CRYL1: variants seen among roughly 807,000 people sequenced by gnomAD.
CRYL1 encodes crystallin lambda 1, also known as lambda-crystallin homolog.
In CRYL1, 29 loss-of-function variants were observed where a neutral mutation model predicts 36.6. That is an observed-to-expected ratio of 0.79 (90% CI 0.59 to 1.08). CRYL1 has a LOEUF of 1.08. Ranked by LOEUF, CRYL1 falls within the 50% of genes least tolerant of loss-of-function variation. CRYL1 has a pLI of 0.00. For missense variants in CRYL1, 411 were observed against 407.9 expected (o/e 1.01, Z -0.06); for synonymous variants, 152 against 151.5 (o/e 1.00, Z -0.02).
chr13:20,475,186 C>T (rs925348883), intron 3 of CRYL1, among the ~76,000 whole-genome samples: 3 of 152,168 alleles, frequency 2.0e-5, no homozygotes, highest in Non-Finnish European at 4.4e-5. Context: ...TCCGCCACCT[C>T]AGGAGCACCG....
intron 1 of CRYL1, chr13:20,513,573 A>C (rs558967908): frequency 6.6e-6 from 1 of 152,392 alleles, no homozygotes; most frequent in East Asian, 1.9e-4. Flanking sequence ...GCATGGAGGA[A>C]TTAAGTCCAC....
chr13:20,430,519 C>T (rs2032035599), intron 5 of CRYL1: 1 of 985,294 alleles, frequency 1.0e-6, no homozygotes, highest in Non-Finnish European at 1.2e-6. Flanking sequence ...CATCGTGAGT[C>T]AGCAGAACTA....
rs868654062 is a variant in CRYL1 at position 20,497,329 on chromosome 13, A to G, written c.150-7833T>C. Among the ~76,000 whole-genome samples, 62 of 69,168 alleles carry G rather than the reference A, an allele frequency of 9.0e-4. 2 individuals carry two copies. Among genetic ancestry groups the G allele is most frequent in the African/African-American group, 2.9e-3 (61 of 20,958 alleles). 45.4% of individuals were successfully genotyped at this position (69,168 alleles called of 152,430 possible). On this transcript the variant is annotated intron_variant, in intron 2 of 7. Transcript: ENST00000298248. ...CACCGCATATACACACTACACACAC[A>G]CCACCACACACACTACACACACACC...
rs747572578 is a variant in CRYL1 at position 20,489,506 on chromosome 13, CA to C, written c.150-11del. ...CAACTTCATCTCCTTTCTGGAAAGG[CA>C]GAGAGAAGGATCACTGTGAGTATTC... On this transcript the variant is annotated splice_polypyrimidine_tract_variant and intron_variant, in intron 2 of 7. Coordinates refer to ENST00000298248, the MANE Select transcript of CRYL1 (RefSeq NM_015974.3). 5 of 1,612,180 alleles carry C rather than the reference CA, an allele frequency of 3.1e-6. No homozygotes were observed. The Admixed American group carries it at 6.7e-5, about 21-fold the overall frequency.
intron 2 of CRYL1, among the ~76,000 whole-genome samples, chr13:20,501,068 C>A (rs906708216): frequency 6.6e-6 from 1 of 152,132 alleles, no homozygotes; most frequent in African/African-American, 2.4e-5. Context: ...CTATATAAAC[C>A]CCTGATTTTA....
At chr13:20,428,330 A>G (rs1237575580) in intron 5 of CRYL1, among the ~76,000 whole-genome samples, 1 of 152,206 alleles carries the variant, frequency 6.6e-6, no homozygotes, top group Admixed American at 6.5e-5. Context: ...TAAGTATATA[A>G]TATTCCAAAA....
chr13:20,430,722 G>A, intron 5 of CRYL1: 2 of 985,352 alleles, frequency 2.0e-6, no homozygotes, highest in Non-Finnish European at 2.4e-6. Flanking sequence ...GTTTACTCAG[G>A]GCGCTAAAAT....
intron 6 of CRYL1, among the ~76,000 whole-genome samples, chr13:20,412,885 C>T (rs1453052463): frequency 6.6e-6 from 1 of 152,174 alleles, no homozygotes; most frequent in Non-Finnish European, 1.5e-5. Context: ...AAGAGATATC[C>T]AGCAGAGGTC....
intron 5 of CRYL1, among the ~76,000 whole-genome samples, chr13:20,430,077 C>T (rs759064939): frequency 6.6e-6 from 1 of 152,166 alleles, no homozygotes; most frequent in African/African-American, 2.4e-5. Context: ...GAAGTCATCG[C>T]TGTGGGGCTC....
chr13:20,445,614 G>A (rs1453614769), intron 3 of CRYL1, among the ~76,000 whole-genome samples: 2 of 152,108 alleles, frequency 1.3e-5, no homozygotes. Context: ...GACAATATTA[G>A]GGAAGACCTG....
At chr13:20,487,638 G>A (rs1441813969) in intron 3 of CRYL1, among the ~76,000 whole-genome samples, 5 of 152,114 alleles carry the variant, frequency 3.3e-5, no homozygotes, top group Admixed American at 6.6e-5. Context: ...TCACGGCTGG[G>A]AACAGTGGTT....
chr13:20,419,432 A>G (rs1332994001), intron 5 of CRYL1, among the ~76,000 whole-genome samples: 1 of 152,138 alleles, frequency 6.6e-6, no homozygotes, highest in African/African-American at 2.4e-5. Context: ...AGCTGGGATT[A>G]CAGGCATGCG....
At chr13:20,495,217 A>G (rs571699917) in intron 2 of CRYL1, among the ~76,000 whole-genome samples, 2 of 152,198 alleles carry the variant, frequency 1.3e-5, no homozygotes, top group African/African-American at 4.8e-5. Flanking sequence ...GGATTTTCAA[A>G]TGCCACACAC....
At chr13:20,512,646 C>A in intron 1 of CRYL1, 96 bp from the exon 2 acceptor site, 1 of 824,940 alleles carries the variant, frequency 1.2e-6, no homozygotes, top group Non-Finnish European at 1.9e-6. Flanking sequence ...TTCACAGTAT[C>A]CTATTCTTAA....
At chr13:20,511,715 A>G (rs1192573411) in intron 2 of CRYL1, among the ~76,000 whole-genome samples, 1 of 152,204 alleles carries the variant, frequency 6.6e-6, no homozygotes, top group Non-Finnish European at 1.5e-5. Flanking sequence ...ACGGCACCGC[A>G]GGGGGACGCG....
chr13:20,430,150 G>GC, intron 5 of CRYL1: 4 of 976,820 alleles, frequency 4.1e-6, no homozygotes, highest in Non-Finnish European at 4.9e-6. Flanking sequence ...AGTTTCTAGA[G>GC]CTGCCTTGGG....
At chr13:20,496,584 T>C (rs1441769222) in intron 2 of CRYL1, among the ~76,000 whole-genome samples, 2 of 152,134 alleles carry the variant, frequency 1.3e-5, no homozygotes, top group African/African-American at 4.8e-5. Flanking sequence ...GAAACCTTAG[T>C]AAAACCAGGC....
chr13:20,439,037 G>A (rs11841026), intron 4 of CRYL1, among the ~76,000 whole-genome samples: 3,741 of 146,828 alleles, frequency 0.025, 68 homozygotes, highest in Non-Finnish European at 0.038. Context: ...GAGTGGAAGG[G>A]AAACCACAAG....
chr13:20,454,868 AGCTGTCTC>A (rs1232141480), intron 3 of CRYL1, among the ~76,000 whole-genome samples: 2 of 151,612 alleles, frequency 1.3e-5, no homozygotes, highest in Non-Finnish European at 1.5e-5. Context: ...GAATAAGGCA[AGCTGTCTC>A]ACTCTGTCGC....
Sources: gnomAD v4.1 joint callset for allele counts (sites outside exome capture counted in the v4.1 genomes callset) on GRCh38, gnomAD v4.1.1 for gene constraint, MANE v1.5 for transcripts, NCBI Gene and HGNC (gene_info 2026-07-23, HGNC 2026-07-21) for gene names.